Variants in THSD4 observed in about 807,000 individuals in gnomAD.
THSD4 encodes thrombospondin type-1 domain-containing protein 4.
THSD4 carries 69 observed loss-of-function variants against 119.0 expected under a neutral mutation model. The observed-to-expected ratio is 0.58, with a 90% CI of 0.48 to 0.71. The LOEUF (loss-of-function observed/expected upper bound fraction) is 0.71, where lower values mean the gene tolerates loss of function less well. THSD4 is among the 30% of genes least tolerant of loss of function. The pLI, the probability that THSD4 is intolerant of heterozygous loss-of-function variation, is 0.00. For missense variants in THSD4, 1,393 were observed against 1,391.1 expected, an observed-to-expected ratio of 1.00 and a Z score of -0.02; for synonymous variants, 524 against 540.4, an observed-to-expected ratio of 0.97 and a Z score of 0.42.
chr15:71,347,623 C>T (rs894575538), intron 6 of THSD4, among the ~76,000 whole-genome samples: 5 of 152,196 alleles, frequency 3.3e-5, no homozygotes, highest in Admixed American at 3.3e-4. Context: ...CAGGGGCTGC[C>T]ATGGGGTTTT....
chr15:71,561,148 G>A (rs1258550931), intron 7 of THSD4, among the ~76,000 whole-genome samples: 1 of 151,640 alleles, frequency 6.6e-6, no homozygotes, highest in Non-Finnish European at 1.5e-5. Context: ...CTCATTTTTT[G>A]CATTTTTAGT....
chr15:71,558,561 T>C (rs1304889114), intron 7 of THSD4, among the ~76,000 whole-genome samples: 1 of 152,136 alleles, frequency 6.6e-6, no homozygotes. Context: ...CTCAACCTCC[T>C]GGGCTGAAGT....
chr15:71,340,511 G>T (rs1159944915), intron 6 of THSD4, among the ~76,000 whole-genome samples: 3 of 151,914 alleles, frequency 2.0e-5, no homozygotes, highest in Non-Finnish European at 4.4e-5. Flanking sequence ...GGGAGCTTGC[G>T]CACCCTCTGG....
intron 6 of THSD4, among the ~76,000 whole-genome samples, chr15:71,326,367 T>C (rs543942317): frequency 1.0e-3 from 159 of 151,796 alleles, no homozygotes; most frequent in African/African-American, 3.6e-3. Flanking sequence ...ATGATAGTGG[T>C]GGTGATGATA....
upstream of THSD4, chr15:71,111,603 C>G (rs901480925): frequency 5.0e-6 from 3 of 605,398 alleles, no homozygotes; most frequent in Non-Finnish European, 5.8e-6. Flanking sequence ...CTTGCCTTGA[C>G]TTTACAGTCT....
At chr15:71,408,632 A>T (rs745574509) in intron 6 of THSD4, among the ~76,000 whole-genome samples, 7 of 152,124 alleles carry the variant, frequency 4.6e-5, no homozygotes, top group African/African-American at 7.2e-5. Flanking sequence ...CAGAAGGATC[A>T]CTTGAGACCA....
intron 6 of THSD4, among the ~76,000 whole-genome samples, chr15:71,261,550 T>A (rs2044399938): frequency 6.6e-6 from 1 of 152,192 alleles, no homozygotes; most frequent in Non-Finnish European, 1.5e-5. Context: ...TACCATGGTC[T>A]TGTTTGGATC....
chr15:71,211,820 C>T (rs546541532), intron 3 of THSD4, among the ~76,000 whole-genome samples: 17 of 152,228 alleles, frequency 1.1e-4, no homozygotes, highest in Admixed American at 7.8e-4. Flanking sequence ...GTATTGGGGA[C>T]GGAGCAGCAC....
chr15:71,371,631 T>C (rs1259273432), intron 6 of THSD4, among the ~76,000 whole-genome samples: 1 of 152,170 alleles, frequency 6.6e-6, no homozygotes, highest in Non-Finnish European at 1.5e-5. Flanking sequence ...GCTTGTAGAG[T>C]TTCTGCCAAG....
intron 6 of THSD4, among the ~76,000 whole-genome samples, chr15:71,282,530 G>A (rs2044665346): frequency 6.6e-6 from 1 of 152,152 alleles, no homozygotes; most frequent in African/African-American, 2.4e-5. Flanking sequence ...GTGCTGCCTT[G>A]GTTCCGACAT....
At chr15:71,160,767 T>G (rs2043242099) in intron 3 of THSD4, among the ~76,000 whole-genome samples, 1 of 151,582 alleles carries the variant, frequency 6.6e-6, no homozygotes, top group Admixed American at 6.6e-5. Context: ...TTTGTTGATC[T>G]TAAAATTTTT....
At chr15:71,548,097 G>GTTT (rs11397800) in intron 7 of THSD4, among the ~76,000 whole-genome samples, 22,491 of 145,614 alleles carry the variant, frequency 0.15, 2,050 homozygotes, top group Admixed American at 0.25. Flanking sequence ...GTTGGGTACA[G>GTTT]TTTTTTTTTT....
intron 16 of THSD4, among the ~76,000 whole-genome samples, chr15:71,768,571 T>TTG (rs1411702834): frequency 6.8e-6 from 1 of 146,832 alleles, no homozygotes; most frequent in Non-Finnish European, 1.5e-5. Flanking sequence ...TTTTTTTTTT[T>TTG]TTTTTTTTTT....
chr15:71,649,604 T>G (rs182681810), intron 7 of THSD4, among the ~76,000 whole-genome samples: 159 of 152,338 alleles, frequency 1.0e-3, no homozygotes, highest in African/African-American at 3.5e-3. Flanking sequence ...GCAGAAGCTC[T>G]TAAGTGGATC....
At chr15:71,421,978 T>C (rs2046815183) in intron 7 of THSD4, among the ~76,000 whole-genome samples, 1 of 152,258 alleles carries the variant, frequency 6.6e-6, no homozygotes, top group South Asian at 2.1e-4. Flanking sequence ...CTTCAGTATG[T>C]CAGTTAACTT....
intron 7 of THSD4, among the ~76,000 whole-genome samples, chr15:71,469,649 C>T (rs1383547231): frequency 6.6e-6 from 1 of 152,182 alleles, no homozygotes; most frequent in Non-Finnish European, 1.5e-5. Context: ...AGGCTCAACA[C>T]ATCTGCATCA....
chr15:71,761,906 C>T (rs2041067201), intron 15 of THSD4, among the ~76,000 whole-genome samples: 1 of 152,190 alleles, frequency 6.6e-6, no homozygotes, highest in Non-Finnish European at 1.5e-5. Context: ...CTGCTCTTGG[C>T]CAGTAACTCA....
At chr15:71,516,439 A>G (rs2048362915) in intron 7 of THSD4, among the ~76,000 whole-genome samples, 1 of 152,158 alleles carries the variant, frequency 6.6e-6, no homozygotes, top group Non-Finnish European at 1.5e-5. Flanking sequence ...TCATAGTCTC[A>G]TACCTCCTTT....
rs779855678 is a variant in THSD4, at chr15:71,771,222, T to C, written c.2914+14T>C. 3 of 1,612,272 alleles carry C rather than the reference T, an allele frequency of 1.9e-6. No homozygotes were observed. In the South Asian group the frequency reaches 3.3e-5, roughly 18 times the overall value. On this transcript the variant is annotated intron_variant, in intron 17 of 17. Coordinates refer to ENST00000261862, the MANE Select transcript of THSD4 (RefSeq NM_024817.3). ...TCCCTGAAGTTGGTAAGTAGAGATTTCAATCATGGGGGAAAGGTTTGTGTT... is the reference window on the plus strand; with the variant it reads ...TCCCTGAAGTTGGTAAGTAGAGATTCCAATCATGGGGGAAAGGTTTGTGTT...
Sources: gnomAD v4.1 joint callset for allele counts (sites outside exome capture counted in the v4.1 genomes callset) on GRCh38, gnomAD v4.1.1 for gene constraint, MANE v1.5 for transcripts, NCBI Gene and HGNC (gene_info 2026-07-23, HGNC 2026-07-21) for gene names.